CDK5RAP2: variants seen among roughly 807,000 people sequenced by gnomAD.
The protein encoded by CDK5RAP2 is CDK5 regulatory subunit associated protein 2.
A neutral mutation model predicts 232.9 loss-of-function variants in CDK5RAP2; 147 were observed. That is an observed-to-expected ratio of 0.63 (90% confidence interval 0.55 to 0.72). The LOEUF (loss-of-function observed/expected upper bound fraction) is 0.72. Ranked by LOEUF, CDK5RAP2 falls within the 30% of genes least tolerant of loss-of-function variation. CDK5RAP2 has a pLI of 0.00. For missense variants in CDK5RAP2, 2,195 were observed against 2,231.5 expected (o/e 0.98, Z 0.33); for synonymous variants, 833 against 833.7 (o/e 1.00, Z 0.01).
chr9:120,514,833 G>A (rs768769975), intron 12 of CDK5RAP2, among the ~76,000 whole-genome samples: 1 of 152,134 alleles, frequency 6.6e-6, no homozygotes, highest in Non-Finnish European at 1.5e-5. Context: ...TACATGTTAT[G>A]TAGCAATACA....
At chr9:120,468,364 C>G (rs1330628835) in intron 17 of CDK5RAP2, among the ~76,000 whole-genome samples, 2 of 152,234 alleles carry the variant, frequency 1.3e-5, no homozygotes, top group Non-Finnish European at 2.9e-5. Flanking sequence ...AATACTATCT[C>G]TCTCTTGCAC....
rs1470979858 is a variant in CDK5RAP2, at chr9:120,439,711, G to C, written c.3410C>G (p.Ser1137Cys). 1 of 1,614,208 alleles carries C rather than the reference G, an allele frequency of 6.2e-7. No individual in the cohort carries two copies. Among genetic ancestry groups the C allele is most frequent in the Middle Eastern group, 1.6e-4 (1 of 6,062 alleles). The change falls in exon 24 of 38, where the codon TCC (serine) becomes TGC (cysteine). Residue 1137 changes from serine to cysteine, a missense_variant. Ser to Cys is a moderately radical substitution (Grantham distance 112). Transcript: ENST00000349780. ...QNFIFQLQKH[S>C]QCSEAIITVL... ...TGTAATTATGGCCTCACTGCACTGG[G>C]AGTGCTTTTGAAGCTGAAATATGAA...
At chr9:120,441,474 A>G (rs2035893269) in intron 23 of CDK5RAP2, among the ~76,000 whole-genome samples, 1 of 152,240 alleles carries the variant, frequency 6.6e-6, no homozygotes, top group Admixed American at 6.5e-5. Flanking sequence ...GAAGGAATCC[A>G]AGTAACACAA....
intron 13 of CDK5RAP2, 123 bp downstream of exon 13, chr9:120,491,184 C>T: frequency 1.2e-6 from 1 of 800,612 alleles, no homozygotes; most frequent in South Asian, 1.6e-5. Flanking sequence ...ATAATTAAAG[C>T]TCTAAAGTAT....
At chr9:120,524,824 C>G (rs2040828107) in intron 11 of CDK5RAP2, among the ~76,000 whole-genome samples, 162 bp downstream of exon 11, 1 of 152,110 alleles carries the variant, frequency 6.6e-6, no homozygotes, top group Non-Finnish European at 1.5e-5. Context: ...GCTCCCAAAT[C>G]TGGTAGAGAA....
intron 15 of CDK5RAP2, among the ~76,000 whole-genome samples, chr9:120,476,409 G>A (rs1350263061): frequency 6.6e-6 from 1 of 152,020 alleles, no homozygotes; most frequent in Non-Finnish European, 1.5e-5. Context: ...GTAGAGAGAG[G>A]TGACCAACAC....
At chr9:120,437,169 G>A in intron 25 of CDK5RAP2, 126 bp downstream of exon 25, 3 of 740,002 alleles carry the variant, frequency 4.1e-6, no homozygotes, top group Admixed American at 2.0e-5. Context: ...TGGTTCTGCT[G>A]TCACCTCATC....
Position 120,403,519 on chromosome 9 carries a change from G to GTCGC in CDK5RAP2, c.5042-449_5042-448insGCGA. On this transcript the variant is annotated intron_variant, in intron 33 of 37. Transcript: ENST00000349780. The surrounding 1 kb of genome is among the most constrained non-coding windows in gnomAD (Gnocchi z 4.2). The stretch of plus-strand genomic sequence containing the variant: ...AGGAGCAGCATTTGAACTGGATTGA[G>GTCGC]CAAGTAGCAAGAATTACACGAATGA... 3.6e-6 allele frequency: 1 copy of GTCGC among 281,070 alleles called. No individual in the cohort carries two copies. The highest frequency in any genetic ancestry group is 6.9e-6 in the Non-Finnish European group (1 of 145,660). 17.4% of individuals were successfully genotyped at this position (281,070 alleles called of 1,614,324 possible).
chr9:120,513,402 C>T (rs1327771436), intron 12 of CDK5RAP2, among the ~76,000 whole-genome samples: 2 of 152,194 alleles, frequency 1.3e-5, no homozygotes, highest in Non-Finnish European at 2.9e-5. Flanking sequence ...GGCTCCCAAA[C>T]TGCATCCAAG....
intron 13 of CDK5RAP2, among the ~76,000 whole-genome samples, chr9:120,489,274 T>A (rs1406407059): frequency 6.6e-6 from 1 of 152,250 alleles, no homozygotes; most frequent in Admixed American, 6.5e-5. Context: ...GCCTTTCAGG[T>A]CCTCTCTTTA....
rs745535811 is a variant in CDK5RAP2, at chr9:120,411,359, T to C, written c.4413A>G (p.Arg1471=). The change falls in exon 29 of 38, where the codon AGA becomes AGG. Residue 1471 remains arginine (R), a splice_region_variant and synonymous_variant. Coordinates refer to ENST00000349780, the MANE Select transcript of CDK5RAP2 (RefSeq NM_018249.6). ...TCCAGTGACTCCTTTAACTCTTACC[T>C]CTGGATCCTTTAATGAGCATTGCAT... ...ALNAMLIKGS[R]DKQKENDKLR... is the part of the protein sequence containing the mutation. 9.6e-6 allele frequency: 15 copies of C among 1,565,566 alleles called. No individual in the cohort carries two copies. The East Asian group carries it at 3.4e-4, about 35-fold the overall frequency.
rs770936701 is a variant in CDK5RAP2, at chr9:120,447,968, T to C, written c.2952A>G (p.Gln984=). The C allele has an allele frequency of 6.2e-7, 1 of 1,614,152 alleles. No individual in the cohort carries two copies. Among genetic ancestry groups the C allele is most frequent in the Non-Finnish European group, 8.5e-7 (1 of 1,180,028 alleles). Residue 984 remains glutamine, a synonymous_variant, in exon 22 of 38, where the codon CAA becomes CAG. Coordinates refer to ENST00000349780, the MANE Select transcript of CDK5RAP2 (RefSeq NM_018249.6). The part of the protein sequence containing the change: ...ELKEFKTCNK[Q]LHQKLILAEA... ...CAGCCAGAATTAACTTTTGGTGAAG[T>C]TGCTTATTACAAGTTTTAAACTCCT...
At chr9:120,512,399 C>T (rs1342250094) in intron 12 of CDK5RAP2, among the ~76,000 whole-genome samples, 1 of 152,164 alleles carries the variant, frequency 6.6e-6, no homozygotes, top group African/African-American at 2.4e-5. Context: ...TTGCTAGTCA[C>T]TTTTATTTTT....
intron 36 of CDK5RAP2, among the ~76,000 whole-genome samples, chr9:120,391,590 TGAG>T (rs1455837912): frequency 6.6e-6 from 1 of 152,168 alleles, no homozygotes; most frequent in Non-Finnish European, 1.5e-5. Context: ...GCTTTGCAAA[TGAG>T]GACCTGAGGC....
intron 7 of CDK5RAP2, among the ~76,000 whole-genome samples, chr9:120,534,987 C>T (rs1018800144): frequency 1.3e-5 from 2 of 152,212 alleles, no homozygotes; most frequent in African/African-American, 4.8e-5. Context: ...TGGGGGGAGG[C>T]TCAGTAGGAG....
intron 20 of CDK5RAP2, among the ~76,000 whole-genome samples, chr9:120,454,875 C>T (rs762347839): frequency 2.0e-5 from 3 of 152,196 alleles, no homozygotes; most frequent in Non-Finnish European, 4.4e-5. Context: ...ATTGACTTTG[C>T]TTTCATTCCT....
rs62577976 is a variant in CDK5RAP2 at position 120,487,895 on chromosome 9, T to C, written c.1483-458A>G. 6.4e-3 allele frequency among the ~76,000 whole-genome samples: 967 copies of C among 152,268 alleles called. 6 individuals carry two copies. The highest frequency in any genetic ancestry group is 7.7e-3 in the Non-Finnish European group (525 of 68,020). On this transcript the variant is annotated intron_variant, in intron 13 of 37. Transcript: ENST00000349780. ...AGTCTCTCTTGAAATGTTACAAATT[T>C]GATAAAACTTGAACTGTCCATATCC...
rs551229349 is a variant in CDK5RAP2, at chr9:120,454,847, G to A, written c.2376-974C>T. 1.5e-4 allele frequency among the ~76,000 whole-genome samples: 23 copies of A among 152,152 alleles called. 1 individual carries two copies. Among genetic ancestry groups the A allele is most frequent in the Non-Finnish European group, 2.9e-4 (20 of 68,032 alleles). ...CTCAGAGGGTCCCCAGCAGTAACCAGATCATTATTGCACCCTTATTGACTT... is the reference window on the plus strand; with the variant it reads ...CTCAGAGGGTCCCCAGCAGTAACCAAATCATTATTGCACCCTTATTGACTT... On this transcript the variant is annotated intron_variant, in intron 20 of 37. Coordinates refer to ENST00000349780, the MANE Select transcript of CDK5RAP2 (RefSeq NM_018249.6).
At chr9:120,435,654 T>C (rs1002955805) in intron 25 of CDK5RAP2, among the ~76,000 whole-genome samples, 3 of 152,044 alleles carry the variant, frequency 2.0e-5, no homozygotes, top group Non-Finnish European at 2.9e-5. Flanking sequence ...AGGATGAGCA[T>C]GGAAAATCTA....
Sources: gnomAD v4.1 joint callset for allele counts (sites outside exome capture counted in the v4.1 genomes callset) on GRCh38, gnomAD v4.1.1 for gene constraint, Gnocchi (gnomAD v3.1) non-coding constraint, MANE v1.5 for transcripts, NCBI Gene and HGNC (gene_info 2026-07-23, HGNC 2026-07-21) for gene names.